The following TSPAN15 variants were observed in gnomAD, a reference collection of about 807,000 sequenced individuals.
TSPAN15 encodes tetraspanin 15, also known as tetraspanin-15.
TSPAN15 carries 20 observed loss-of-function variants against 34.5 expected under a neutral mutation model. That is an observed-to-expected ratio of 0.58 (90% CI 0.41 to 0.84). TSPAN15 has a LOEUF of 0.84. TSPAN15 is among the 40% of genes least tolerant of loss of function. The pLI, the probability that TSPAN15 is intolerant of heterozygous loss-of-function variation, is 0.00. For synonymous variants in TSPAN15, 155 were observed against 153.9 expected, an observed-to-expected ratio of 1.01 and a Z score of -0.05; for missense variants, 313 against 386.1, an observed-to-expected ratio of 0.81 and a Z score of 1.59.
In TSPAN15 at chr10:69,507,138, T is replaced by C; in HGVS notation, c.*160T>C. ...GTGTGTAGGTCCCACGGCCTCTGCC[T>C]CCCCAGGGAGCAGAGCCTGGGCCTC... On this transcript the variant is annotated 3_prime_UTR_variant, in exon 8 of 8. Transcript: ENST00000373290. 1 of 1,443,478 alleles carries C rather than the reference T, an allele frequency of 6.9e-7. No homozygotes were observed. The highest frequency in any genetic ancestry group is 9.1e-7 in the Non-Finnish European group (1 of 1,103,638). The allele number at this position is 1,443,478 out of a possible 1,614,324, so 89.4% of individuals were successfully genotyped here. A position where few individuals can be genotyped will look rare whatever the true frequency, so the allele number is the denominator to read the frequency against.
intron 1 of TSPAN15, among the ~76,000 whole-genome samples, chr10:69,452,640 G>T (rs1840999125): frequency 6.6e-6 from 1 of 152,204 alleles, no homozygotes; most frequent in South Asian, 2.1e-4. Flanking sequence ...TTGGACACCT[G>T]TGGTGTAAGC....
At position 69,506,772 on chromosome 10, in the gene TSPAN15, A is replaced by G. The variant is rs968027051; in HGVS notation, c.736-57A>G. 7 of 1,526,346 alleles carry G rather than the reference A, an allele frequency of 4.6e-6. No homozygotes were observed. In the African/African-American group the frequency reaches 9.7e-5, roughly 21 times the overall value. The allele number at this position is 1,526,346 out of a possible 1,614,324, so 94.6% of individuals were successfully genotyped here. ...TGGGTTTCTGGGAGCCGGGAGCTGCAGGGAGGGCTGCCCTGATTCCCAGCA... is the reference window on the plus strand; with the variant it reads ...TGGGTTTCTGGGAGCCGGGAGCTGCGGGGAGGGCTGCCCTGATTCCCAGCA... On this transcript the variant is annotated intron_variant, in intron 7 of 7. Coordinates refer to ENST00000373290, the MANE Select transcript of TSPAN15 (RefSeq NM_012339.5). The surrounding 1 kb of genome is among the most constrained non-coding windows in gnomAD (Gnocchi z 4.7).
At chr10:69,543,854 T>A in the TSPAN15 span, among the ~76,000 whole-genome samples, 1 of 110,976 alleles carries the variant, frequency 9.0e-6, no homozygotes, top group Admixed American at 8.8e-5. Context: ...AGTGTGTGTG[T>A]GTGTGTGTGT....
chr10:69,452,456 T>A (rs1325810300), intron 1 of TSPAN15, among the ~76,000 whole-genome samples: 1 of 152,250 alleles, frequency 6.6e-6, no homozygotes. Flanking sequence ...TGCTGAGTGA[T>A]CTTGGGGAAG....
chr10:69,535,217 A>C, the TSPAN15 span, among the ~76,000 whole-genome samples: 1 of 152,182 alleles, frequency 6.6e-6, no homozygotes, highest in Non-Finnish European at 1.5e-5. Flanking sequence ...TTTTAGAGAA[A>C]TATTGTGAGA....
At chr10:69,524,397 C>T in the TSPAN15 span, among the ~76,000 whole-genome samples, 50 of 147,528 alleles carry the variant, frequency 3.4e-4, 2 homozygotes, top group Non-Finnish European at 5.5e-4. Context: ...ACCCAGGAGG[C>T]GGAGGTTGCA....
In TSPAN15 at chr10:69,483,879, G is replaced by A. The variant is rs1342032648; in HGVS notation, c.282+3G>A. Reference sequence around the variant, plus strand: ...ACAACCTGTACCTTCTCCAAGCAGTGAGTGGACCACACCACCCCTCAGCCG... The same window carrying A: ...ACAACCTGTACCTTCTCCAAGCAGTAAGTGGACCACACCACCCCTCAGCCG... On this transcript the variant is annotated splice_donor_region_variant and intron_variant, in intron 2 of 7. Coordinates refer to ENST00000373290, the MANE Select transcript of TSPAN15 (RefSeq NM_012339.5). 2 of 1,612,012 alleles carry A rather than the reference G, an allele frequency of 1.2e-6. No individual in the cohort carries two copies. The highest frequency in any genetic ancestry group is 1.7e-6 in the Non-Finnish European group (2 of 1,178,910).
At position 69,451,636 on chromosome 10, in the gene TSPAN15, C is replaced by T. The variant is rs1840970123; in HGVS notation, c.42C>T (p.Arg14=). The T allele has an allele frequency of 6.5e-7, 1 of 1,541,560 alleles. No homozygotes were observed. The highest frequency in any genetic ancestry group is 8.8e-7 in the Non-Finnish European group (1 of 1,142,304). ...GDSEQVRYCA[R]FSYLWLKFSL... The stretch of plus-strand genomic sequence containing the variant: ...CGGAGCAGGTGCGCTACTGCGCGCG[C>T]TTCTCCTACCTCTGGCTCAAGTTTT... The change falls in exon 1 of 8, where the codon CGC becomes CGT. Residue 14 remains arginine (R), a synonymous_variant. Transcript: ENST00000373290.
At chr10:69,517,532 A>C in the TSPAN15 span, among the ~76,000 whole-genome samples, 12 of 152,326 alleles carry the variant, frequency 7.9e-5, no homozygotes, top group African/African-American at 2.9e-4. Context: ...TGGCAGCAAA[A>C]GTGGGTCTCA....
At chr10:69,500,666 G>C (rs1292314415) in intron 5 of TSPAN15, among the ~76,000 whole-genome samples, 3 of 152,124 alleles carry the variant, frequency 2.0e-5, no homozygotes, top group Admixed American at 1.3e-4. Flanking sequence ...TTCTGTTCAG[G>C]CCTTCCCTGA....
the TSPAN15 span, among the ~76,000 whole-genome samples, chr10:69,531,435 C>A: frequency 6.6e-6 from 1 of 152,048 alleles, no homozygotes; most frequent in South Asian, 2.1e-4. Context: ...CCCGTCTCTA[C>A]TAAAAACACA....
the TSPAN15 span, among the ~76,000 whole-genome samples, chr10:69,539,848 C>A: frequency 1.3e-5 from 2 of 151,988 alleles, no homozygotes; most frequent in African/African-American, 4.8e-5. Flanking sequence ...GTACAACACC[C>A]TCCTTTTAAG....
chr10:69,498,926 G>T (rs1842145665), intron 5 of TSPAN15, among the ~76,000 whole-genome samples: 1 of 152,134 alleles, frequency 6.6e-6, no homozygotes, highest in South Asian at 2.1e-4. Context: ...ATTAGTGGAG[G>T]CAGGCAGGAC....
the TSPAN15 span, among the ~76,000 whole-genome samples, chr10:69,526,173 G>A: frequency 6.8e-6 from 1 of 147,346 alleles, no homozygotes; most frequent in African/African-American, 2.5e-5. Context: ...AGAATTATAG[G>A]TGAGTATAAT....
the TSPAN15 span, among the ~76,000 whole-genome samples, chr10:69,526,627 T>C: frequency 6.8e-6 from 1 of 147,002 alleles, no homozygotes. Flanking sequence ...ACCCTGTCTC[T>C]ACAAAAATAA....
downstream of TSPAN15, among the ~76,000 whole-genome samples, chr10:69,509,433 ATT>A (rs58393590): frequency 5.7e-4 from 84 of 148,180 alleles, no homozygotes; most frequent in Middle Eastern, 3.5e-3. Context: ...GGGTTGTTTG[ATT>A]TTTTTTTTTT....
chr10:69,527,555 A>G, the TSPAN15 span, among the ~76,000 whole-genome samples: 2 of 145,848 alleles, frequency 1.4e-5, no homozygotes, highest in African/African-American at 5.0e-5. Context: ...AGATCGCACC[A>G]TTGGACTCTA....
chr10:69,534,474 AAG>A, the TSPAN15 span, among the ~76,000 whole-genome samples: 2 of 152,248 alleles, frequency 1.3e-5, no homozygotes, highest in African/African-American at 2.4e-5. Context: ...AGGAGAATGA[AAG>A]AGCTTATCAA....
At chr10:69,529,517 A>G in the TSPAN15 span, among the ~76,000 whole-genome samples, 3 of 147,924 alleles carry the variant, frequency 2.0e-5, no homozygotes, top group Non-Finnish European at 4.5e-5. Context: ...TAATAAGGTA[A>G]TATTAACTTC....
Sources: gnomAD v4.1 joint callset for allele counts (sites outside exome capture counted in the v4.1 genomes callset) on GRCh38, gnomAD v4.1.1 for gene constraint, Gnocchi (gnomAD v3.1) non-coding constraint, MANE v1.5 for transcripts, NCBI Gene and HGNC (gene_info 2026-07-23, HGNC 2026-07-21) for gene names.